The following CNIH3 variants were observed in gnomAD, a reference collection of about 807,000 sequenced individuals.
The protein encoded by CNIH3 is cornichon family AMPA receptor auxiliary protein 3, also known as protein cornichon homolog 3.
Under a neutral mutation model 24.1 loss-of-function variants are expected in CNIH3, and 14 were observed. The ratio of observed to expected loss-of-function variants is 0.58; its 90% CI spans 0.38 to 0.91. The LOEUF (loss-of-function observed/expected upper bound fraction) is 0.91. Ranked by LOEUF, CNIH3 falls within the 40% of genes least tolerant of loss-of-function variation. The probability of loss-of-function intolerance (pLI) is 0.00; values close to 1 mark genes in which losing one functional copy is unlikely to be tolerated. For missense variants in CNIH3, 178 were observed against 196.8 expected (o/e 0.90, Z 0.57); for synonymous variants, 68 against 73.8 (o/e 0.92, Z 0.40).
upstream of CNIH3, among the ~76,000 whole-genome samples, chr1:224,513,338 A>C: frequency 6.5e-5 from 1 of 15,398 alleles, no homozygotes; most frequent in Non-Finnish European, 1.2e-4. Flanking sequence ...ATTTTTGTAG[A>C]GTTGGGGGTG....
chr1:224,512,929 C>T (rs1678217436), upstream of CNIH3, among the ~76,000 whole-genome samples: 1 of 152,194 alleles, frequency 6.6e-6, no homozygotes, highest in Non-Finnish European at 1.5e-5. Context: ...CCGCTTTTGG[C>T]CTCTGTCCTT....
At chr1:224,463,270 A>G (rs1008025049) in intron 1 of CNIH3, among the ~76,000 whole-genome samples, 1 of 152,142 alleles carries the variant, frequency 6.6e-6, no homozygotes, top group African/African-American at 2.4e-5. Context: ...ATGATGTGTG[A>G]GAGTCCGGTT....
intron 3 of CNIH3, among the ~76,000 whole-genome samples, chr1:224,547,540 A>T (rs1679748491): frequency 6.6e-6 from 1 of 151,888 alleles, no homozygotes; most frequent in Non-Finnish European, 1.5e-5. Flanking sequence ...AAGGGGGGTG[A>T]AACACCCTGT....
chr1:224,668,049 C>T (rs1212644865), intron 1 of CNIH3, among the ~76,000 whole-genome samples: 2 of 152,078 alleles, frequency 1.3e-5, no homozygotes, highest in Non-Finnish European at 2.9e-5. Flanking sequence ...ACACAAGGAA[C>T]AGAAAGATAG....
chr1:224,694,727 C>T (rs557033250), intron 3 of CNIH3, among the ~76,000 whole-genome samples: 2 of 152,262 alleles, frequency 1.3e-5, no homozygotes, highest in South Asian at 4.1e-4. Context: ...GGCATGTATA[C>T]ACCATGGAAT....
chr1:224,628,941 C>G (rs533423026), intron 1 of CNIH3, among the ~76,000 whole-genome samples: 3 of 151,966 alleles, frequency 2.0e-5, no homozygotes, highest in South Asian at 2.1e-4. Flanking sequence ...AACTCCCCCC[C>G]AACCACCTGC....
intron 1 of CNIH3, among the ~76,000 whole-genome samples, chr1:224,489,917 C>A (rs760439695): frequency 4.6e-5 from 7 of 152,158 alleles, no homozygotes; most frequent in Admixed American, 6.5e-5. Flanking sequence ...ATGAGGACCC[C>A]ACCCTCATGA....
chr1:224,502,628 C>A (rs566295019), intron 1 of CNIH3, among the ~76,000 whole-genome samples: 5 of 152,124 alleles, frequency 3.3e-5, no homozygotes, highest in African/African-American at 1.2e-4. Context: ...GGGGCCCGTG[C>A]CAGGGGAATG....
chr1:224,487,439 T>A (rs899788010), intron 1 of CNIH3, among the ~76,000 whole-genome samples: 1 of 152,224 alleles, frequency 6.6e-6, no homozygotes, highest in Non-Finnish European at 1.5e-5. Context: ...ATATTCCTTT[T>A]GATCTTTTAC....
chr1:224,510,596 CA>C (rs777592587), intron 1 of CNIH3, among the ~76,000 whole-genome samples: 129 of 93,952 alleles, frequency 1.4e-3, no homozygotes, highest in South Asian at 4.5e-3. Flanking sequence ...GACCCTGTCT[CA>C]AAAAAAAAAA....
intron 1 of CNIH3, among the ~76,000 whole-genome samples, chr1:224,457,711 G>C (rs1292545521): frequency 6.6e-6 from 1 of 151,976 alleles, no homozygotes; most frequent in Non-Finnish European, 1.5e-5. Flanking sequence ...TCTGACACCT[G>C]GTGGTCATTT....
chr1:224,684,697 T>C lies in CNIH3; in HGVS notation c.151-99T>C. On this transcript the variant is annotated intron_variant, in intron 2 of 5. Transcript: ENST00000272133. This position sits in a 1 kb window ranked among gnomAD's most constrained non-coding sequence, Gnocchi z 4.2. ...GTGCCCAGGAGGGGTCTCTGGTGGC[T>C]TCTGCCTCCACTATTGGGGCTGATT... 1 of 1,080,298 alleles carries C rather than the reference T, an allele frequency of 9.3e-7. No individual in the cohort carries two copies. The highest frequency in any genetic ancestry group is 1.4e-6 in the Non-Finnish European group (1 of 696,598). 66.9% of individuals were successfully genotyped at this position (1,080,298 alleles called of 1,614,324 possible). A position where few individuals can be genotyped will look rare whatever the true frequency, so the allele number is the denominator to read the frequency against.
chr1:224,573,274 A>G (rs768796521), intron 4 of CNIH3, among the ~76,000 whole-genome samples: 1 of 152,012 alleles, frequency 6.6e-6, no homozygotes, highest in African/African-American at 2.4e-5. Context: ...CATTATTTTC[A>G]TTCAATCTTC....
rs115583844 is a variant in CNIH3, at chr1:224,442,813, G to A, written n.203+7951G>A. Among the ~76,000 whole-genome samples, 734 of 152,222 alleles carry A rather than the reference G, an allele frequency of 4.8e-3. 3 individuals are homozygous for A. Among genetic ancestry groups the A allele is most frequent in the African/African-American group, 0.017 (706 of 41,508 alleles). On this transcript the variant is annotated intron_variant and non_coding_transcript_variant, in intron 1 of 5. Coordinates refer to the CNIH3 transcript ENST00000471578. ...CTTCATTACATGACTTTTTGGAGACGGCTTGTGTTAGTCCGAAAAGTAGCC... is the reference window on the plus strand; with the variant it reads ...CTTCATTACATGACTTTTTGGAGACAGCTTGTGTTAGTCCGAAAAGTAGCC...
Position 224,684,960 on chromosome 1 carries a change from G to C in CNIH3, c.198+117G>C. The C allele has an allele frequency of 1.0e-6, 1 of 975,926 alleles. No individual in the cohort carries two copies. Among genetic ancestry groups the C allele is most frequent in the East Asian group, 2.4e-5 (1 of 41,672 alleles). 60.5% of individuals were successfully genotyped at this position (975,926 alleles called of 1,614,324 possible). A position where few individuals can be genotyped will look rare whatever the true frequency, so the allele number is the denominator to read the frequency against. On this transcript the variant is annotated intron_variant, in intron 3 of 5. Coordinates refer to ENST00000272133, the MANE Select transcript of CNIH3 (RefSeq NM_152495.2). The surrounding 1 kb of genome is among the most constrained non-coding windows in gnomAD (Gnocchi z 4.2). ...AGTCCTGTCCACCAGGGAGGCAAAT[G>C]GTGGCAGGGAAAGGGGGAGGTGGGA...
intron 1 of CNIH3, among the ~76,000 whole-genome samples, chr1:224,677,140 G>A (rs1686178398): frequency 6.6e-6 from 1 of 152,176 alleles, no homozygotes; most frequent in Non-Finnish European, 1.5e-5. Flanking sequence ...GTAATAGTGA[G>A]GTAGGTACTA....
chr1:224,590,379 A>G (rs895866384), downstream of CNIH3, among the ~76,000 whole-genome samples: 9 of 152,176 alleles, frequency 5.9e-5, no homozygotes, highest in African/African-American at 1.9e-4. Context: ...TAACCTGAGC[A>G]TGGATGTGTA....
At chr1:224,465,232 C>T (rs932517547) in intron 1 of CNIH3, among the ~76,000 whole-genome samples, 3 of 152,194 alleles carry the variant, frequency 2.0e-5, no homozygotes, top group African/African-American at 7.2e-5. Context: ...GCCTCAGCCT[C>T]CCAGGTAGCT....
At chr1:224,617,979 A>C (rs1683102473) in intron 1 of CNIH3, among the ~76,000 whole-genome samples, 2 of 152,176 alleles carry the variant, frequency 1.3e-5, no homozygotes, top group South Asian at 4.1e-4. Flanking sequence ...AACCTCCGCT[A>C]GGCCCCCAGC....
Sources: gnomAD v4.1 joint callset for allele counts (sites outside exome capture counted in the v4.1 genomes callset) on GRCh38, gnomAD v4.1.1 for gene constraint, Gnocchi (gnomAD v3.1) non-coding constraint, MANE v1.5 for transcripts, NCBI Gene and HGNC (gene_info 2026-07-23, HGNC 2026-07-21) for gene names.